Variants in CCDC50 observed in about 807,000 individuals in gnomAD.
CCDC50 encodes coiled-coil domain containing 50, also known as coiled-coil domain-containing protein 50.
A neutral mutation model predicts 70.2 loss-of-function variants in CCDC50; 54 were observed. The ratio of observed to expected loss-of-function variants is 0.77; its 90% confidence interval spans 0.62 to 0.96. CCDC50 has a LOEUF of 0.96. Ranked by LOEUF, CCDC50 falls within the 50% of genes least tolerant of loss-of-function variation. The pLI, the probability that CCDC50 is intolerant of heterozygous loss-of-function variation, is 0.00. For synonymous variants in CCDC50, 216 were observed against 198.8 expected (o/e 1.09, Z -0.73); for missense variants, 558 against 578.7 (o/e 0.96, Z 0.37).
At chr3:191,384,326 T>C (rs1713417053) in intron 10 of CCDC50, among the ~76,000 whole-genome samples, 2 of 152,288 alleles carry the variant, frequency 1.3e-5, no homozygotes, top group South Asian at 4.1e-4. Flanking sequence ...AAACCTGTAT[T>C]TTCATAGTTA....
rs1415163371 is a variant in CCDC50 at position 191,375,486 on chromosome 3, A to G, written c.873A>G (p.Val291=). 1.9e-6 allele frequency: 3 copies of G among 1,613,730 alleles called. No individual in the cohort carries two copies. The highest frequency in any genetic ancestry group is 1.7e-6 in the Non-Finnish European group (2 of 1,179,826). ...QKAGLHCKEV[V]YGRDHGQGEH... The stretch of plus-strand genomic sequence containing the variant: ...CAGGGCTTCACTGCAAGGAAGTTGT[A>G]TATGGGAGGGACCATGGGCAAGGTG... Residue 291 remains valine (V), a synonymous_variant, in exon 6 of 12, where the codon GTA becomes GTG. Transcript: ENST00000392455.
At chr3:191,378,210 A>G (rs1713184283) in intron 6 of CCDC50, among the ~76,000 whole-genome samples, 2 of 152,142 alleles carry the variant, frequency 1.3e-5, no homozygotes. Flanking sequence ...TTTGGAACTG[A>G]GAGATATTAC....
At position 191,329,672 on chromosome 3, in the gene CCDC50, G is replaced by C; in HGVS notation, c.-3G>C. 6.2e-7 allele frequency: 1 copy of C among 1,608,852 alleles called. No homozygotes were observed. Among genetic ancestry groups the C allele is most frequent in the Non-Finnish European group, 8.5e-7 (1 of 1,178,224 alleles). The stretch of plus-strand genomic sequence containing the variant: ...AAAGGGGCAACCGGGACCCTGGCCC[G>C]GTATGGCTGAAGTCAGCATCGACCA... On this transcript the variant is annotated 5_prime_UTR_variant, in exon 1 of 12. Transcript: ENST00000392455.
chr3:191,339,403 A>G (rs991657807), intron 1 of CCDC50, among the ~76,000 whole-genome samples: 1 of 152,214 alleles, frequency 6.6e-6, no homozygotes, highest in Non-Finnish European at 1.5e-5. Flanking sequence ...ATATAAAAAA[A>G]GTGAGGCAAG....
chr3:191,396,186 CT>C lies in CCDC50; in HGVS notation c.*4429del, dbSNP rs1244660524. 1.3e-5 allele frequency: 2 copies of C among 152,204 alleles called. No individual in the cohort carries two copies. The highest frequency in any genetic ancestry group is 2.9e-5 in the Non-Finnish European group (2 of 68,010). 9.4% of individuals were successfully genotyped at this position (152,204 alleles called of 1,614,324 possible). A position where few individuals can be genotyped will look rare whatever the true frequency, so the allele number is the denominator to read the frequency against. On this transcript the variant is annotated 3_prime_UTR_variant, in exon 12 of 12. Transcript: ENST00000392455. ...AGTCACTTTTACAATGAGACCTGCA[CT>C]TTATGCCAGCACTGTTTGTGAGGAG...
intron 11 of CCDC50, 88 bp downstream of exon 11, chr3:191,389,690 A>G: frequency 2.0e-6 from 2 of 976,634 alleles, no homozygotes; most frequent in South Asian, 2.6e-5. Context: ...TCTGTGTTCC[A>G]CTAGAGTGGA....
At chr3:191,342,760 A>C (rs1711775958) in intron 1 of CCDC50, among the ~76,000 whole-genome samples, 1 of 152,206 alleles carries the variant, frequency 6.6e-6, no homozygotes, top group Non-Finnish European at 1.5e-5. Context: ...TTCTTTAGGG[A>C]TACATGGAAT....
intron 10 of CCDC50, among the ~76,000 whole-genome samples, chr3:191,384,423 C>T (rs1041326480): frequency 6.6e-6 from 1 of 151,372 alleles, no homozygotes; most frequent in African/African-American, 2.4e-5. Context: ...ATCTGGTTTT[C>T]CTCTTTCACA....
At chr3:191,345,830 C>T (rs193207746) in intron 1 of CCDC50, among the ~76,000 whole-genome samples, 12 of 152,202 alleles carry the variant, frequency 7.9e-5, no homozygotes, top group African/African-American at 2.4e-4. Flanking sequence ...AATGATTCTT[C>T]GCAGTGTGTT....
intron 1 of CCDC50, among the ~76,000 whole-genome samples, chr3:191,340,912 T>G (rs981903936): frequency 1.3e-5 from 2 of 152,204 alleles, no homozygotes; most frequent in Non-Finnish European, 2.9e-5. Context: ...CATAGCTCAC[T>G]GTGGCCTCAA....
chr3:191,371,760 T>C (rs1310610221), intron 5 of CCDC50, among the ~76,000 whole-genome samples: 2 of 152,190 alleles, frequency 1.3e-5, no homozygotes, highest in Non-Finnish European at 1.5e-5. Context: ...CACTCTTCTC[T>C]TTTTTGATAG....
rs529301636 is a variant in CCDC50, at chr3:191,366,953, A to G, written c.331-2966A>G. On this transcript the variant is annotated intron_variant, in intron 4 of 11. Coordinates refer to ENST00000392455, the MANE Select transcript of CCDC50 (RefSeq NM_178335.3). Reference sequence around the variant, plus strand: ...TCGTCAGCTTGTTTCAGGGGGATTTACTTTACACTGAAATTATCTGACAAA... The same window carrying G: ...TCGTCAGCTTGTTTCAGGGGGATTTGCTTTACACTGAAATTATCTGACAAA... Among the ~76,000 whole-genome samples, 14 of 152,168 alleles carry G rather than the reference A, an allele frequency of 9.2e-5. No individual in the cohort carries two copies. In the South Asian group the frequency reaches 2.5e-3, roughly 27 times the overall value.
chr3:191,362,760 T>TTC (rs1252791924), intron 4 of CCDC50, among the ~76,000 whole-genome samples: 1 of 152,176 alleles, frequency 6.6e-6, no homozygotes, highest in African/African-American at 2.4e-5. Flanking sequence ...CCTGTAAGAC[T>TTC]TCTGTTCAAT....
intron 2 of CCDC50, 51 bp from the exon 3 acceptor site, chr3:191,357,947 A>G: frequency 6.2e-7 from 1 of 1,611,788 alleles, no homozygotes; most frequent in Non-Finnish European, 8.5e-7. Context: ...GGCATTTATT[A>G]CTAACAAACC....
intron 1 of CCDC50, among the ~76,000 whole-genome samples, chr3:191,331,064 G>A (rs1375505804): frequency 6.6e-6 from 1 of 152,148 alleles, no homozygotes; most frequent in Non-Finnish European, 1.5e-5. Flanking sequence ...TAGGAAAGGC[G>A]GATCCATACT....
Position 191,390,479 on chromosome 3 carries a change from G to T in CCDC50, c.1429+877G>T, listed in dbSNP as rs1048278984. Among the ~76,000 whole-genome samples the T allele has an allele frequency of 1.2e-4, 5 of 42,418 alleles. 1 individual carries two copies. In the East Asian group the frequency reaches 1.8e-3, roughly 16 times the overall value. 27.8% of individuals were successfully genotyped at this position (42,418 alleles called of 152,430 possible). On this transcript the variant is annotated intron_variant, in intron 11 of 11. Transcript: ENST00000392455. The stretch of plus-strand genomic sequence containing the variant: ...CATTTTTATGGTTATTTGATTATAT[G>T]CTGATTAATACAAGGGGTATATTAT...
chr3:191,329,588 G>A lies in CCDC50; in HGVS notation c.-87G>A. 1 of 1,418,944 alleles carries A rather than the reference G, an allele frequency of 7.0e-7. No homozygotes were observed. The highest frequency in any genetic ancestry group is 1.3e-5 in the South Asian group (1 of 79,186). 87.9% of individuals were successfully genotyped at this position (1,418,944 alleles called of 1,614,324 possible). On this transcript the variant is annotated 5_prime_UTR_variant, in exon 1 of 12. Coordinates refer to ENST00000392455, the MANE Select transcript of CCDC50 (RefSeq NM_178335.3). ...CCGGCCGGACTTTGCGCCGCGTCCG[G>A]CGCTGCTGCTGCGCTCGGGGCCCCG...
intron 11 of CCDC50, among the ~76,000 whole-genome samples, chr3:191,389,853 C>CTTTTTTTTTTTTTTTTTTTTT (rs10635756): frequency 1.2e-5 from 1 of 84,658 alleles, no homozygotes; most frequent in Non-Finnish European, 2.1e-5. Context: ...ATCAAATTCA[C>CTTTTTTTTTTTTTTTTTTTTT]TTTTTTTTTT....
chr3:191,385,396 C>T (rs1228720490), intron 10 of CCDC50, among the ~76,000 whole-genome samples: 2 of 152,164 alleles, frequency 1.3e-5, no homozygotes, highest in East Asian at 3.9e-4. Context: ...TTTTGATTTG[C>T]GTCTCTGATA....
Sources: gnomAD v4.1 joint callset for allele counts (sites outside exome capture counted in the v4.1 genomes callset) on GRCh38, gnomAD v4.1.1 for gene constraint, MANE v1.5 for transcripts, NCBI Gene and HGNC (gene_info 2026-07-23, HGNC 2026-07-21) for gene names.